Variants in ATP6V0D1 observed in about 807,000 individuals in gnomAD.
The protein encoded by ATP6V0D1 is V-type proton ATPase subunit d 1.
A neutral mutation model predicts 39.0 loss-of-function variants in ATP6V0D1; 13 were observed. The observed-to-expected ratio is 0.33, with a 90% CI of 0.22 to 0.53. ATP6V0D1 has a LOEUF of 0.53. Ranked by LOEUF, ATP6V0D1 falls within the 20% of genes least tolerant of loss-of-function variation. The pLI is 0.94. For missense variants in ATP6V0D1, 272 were observed against 470.9 expected (o/e 0.58, Z 3.91); for synonymous variants, 191 against 191.2 (o/e 1.00, Z 0.01).
intron 1 of ATP6V0D1, among the ~76,000 whole-genome samples, chr16:67,472,930 C>T (rs1415504991): frequency 1.3e-5 from 2 of 152,054 alleles, no homozygotes; most frequent in Non-Finnish European, 2.9e-5. Flanking sequence ...AAGACATTTC[C>T]TACACATTAA....
intron 1 of ATP6V0D1, among the ~76,000 whole-genome samples, chr16:67,480,146 C>T (rs898461432): frequency 1.5e-5 from 2 of 133,086 alleles, no homozygotes; most frequent in East Asian, 4.0e-4. Context: ...TTGCAGTGAG[C>T]CGAGATCCCG....
chr16:67,445,020 C>A (rs1020687922), intron 2 of ATP6V0D1, among the ~76,000 whole-genome samples: 1 of 152,122 alleles, frequency 6.6e-6, no homozygotes, highest in Non-Finnish European at 1.5e-5. Flanking sequence ...TAACAGGACA[C>A]AGGAATGGGG....
chr16:67,444,586 C>T lies in ATP6V0D1; in HGVS notation c.423G>A (p.Val141=). 1 of 1,613,460 alleles carries T rather than the reference C, an allele frequency of 6.2e-7. No homozygotes were observed. The highest frequency in any genetic ancestry group is 2.2e-5 in the East Asian group (1 of 44,864). The change falls in exon 3 of 8, where the codon GTG becomes GTA. Residue 141 remains valine (V), a synonymous_variant. Coordinates refer to ENST00000290949, the MANE Select transcript of ATP6V0D1 (RefSeq NM_004691.5). The surrounding 1 kb of genome is among the most constrained non-coding windows in gnomAD (Gnocchi z 4.8). ...PLGSFEQMEA[V]NIAQTPAELY... ...GCTCAGCAGGTGTCTGAGCAATGTTCACGGCCTCCATCTGCTCGAAGCTGC... is the reference window on the plus strand; with the variant it reads ...GCTCAGCAGGTGTCTGAGCAATGTTTACGGCCTCCATCTGCTCGAAGCTGC...
chr16:67,461,184 C>T (rs747929895), intron 1 of ATP6V0D1, among the ~76,000 whole-genome samples: 23 of 152,218 alleles, frequency 1.5e-4, no homozygotes, highest in Non-Finnish European at 2.8e-4. Context: ...GGTACCTGTT[C>T]CTCCTCTCCA....
intron 1 of ATP6V0D1, among the ~76,000 whole-genome samples, chr16:67,464,234 G>A (rs2041311757): frequency 6.6e-6 from 1 of 152,162 alleles, no homozygotes; most frequent in Admixed American, 6.5e-5. Context: ...GGTCCTTTTT[G>A]CATGACTACC....
intron 1 of ATP6V0D1, among the ~76,000 whole-genome samples, chr16:67,469,202 G>T (rs192088100): frequency 7.9e-5 from 12 of 152,318 alleles, no homozygotes; most frequent in Non-Finnish European, 1.6e-4. Flanking sequence ...CAGTTACTCA[G>T]AAAGCTGAGG....
chr16:67,475,395 T>C (rs1302632767), intron 1 of ATP6V0D1, among the ~76,000 whole-genome samples: 3 of 152,166 alleles, frequency 2.0e-5, no homozygotes. Flanking sequence ...CACAAAGAGA[T>C]GTAATGGACA....
intron 2 of ATP6V0D1, among the ~76,000 whole-genome samples, chr16:67,451,563 G>C (rs1284025825): frequency 1.3e-5 from 2 of 152,190 alleles, no homozygotes; most frequent in Non-Finnish European, 1.5e-5. Flanking sequence ...TGGCTGAAGT[G>C]CAGAGCAGAG....
intron 1 of ATP6V0D1, chr16:67,454,880 G>A (rs1282108967): frequency 2.6e-5 from 4 of 152,232 alleles, no homozygotes; most frequent in Non-Finnish European, 5.9e-5. Flanking sequence ...CCACCTCAGG[G>A]CCCTTCCCCG....
intron 1 of ATP6V0D1, among the ~76,000 whole-genome samples, chr16:67,467,740 A>G (rs935052748): frequency 6.6e-6 from 1 of 152,228 alleles, no homozygotes; most frequent in Non-Finnish European, 1.5e-5. Context: ...CCATAGGGGC[A>G]CTAGGGTCCT....
intron 1 of ATP6V0D1, among the ~76,000 whole-genome samples, chr16:67,471,631 C>T (rs1159034428): frequency 6.6e-6 from 1 of 151,984 alleles, no homozygotes; most frequent in Non-Finnish European, 1.5e-5. Flanking sequence ...ACAGATTAAT[C>T]ATCCCCTCCC....
chr16:67,444,794 G>A lies in ATP6V0D1; in HGVS notation c.303-88C>T, dbSNP rs1457060993. ...CACCATGCCCTCGCCCGCCTGCACAGGCCATCACCCCTTAACAATGTATGC... is the reference window on the plus strand; with the variant it reads ...CACCATGCCCTCGCCCGCCTGCACAAGCCATCACCCCTTAACAATGTATGC... On this transcript the variant is annotated intron_variant, in intron 2 of 7. Coordinates refer to ENST00000290949, the MANE Select transcript of ATP6V0D1 (RefSeq NM_004691.5). This position sits in a 1 kb window ranked among gnomAD's most constrained non-coding sequence, Gnocchi z 4.8. 1.8e-5 allele frequency: 22 copies of A among 1,255,430 alleles called. No individual in the cohort carries two copies. Among genetic ancestry groups the A allele is most frequent in the Non-Finnish European group, 2.4e-5 (22 of 919,968 alleles). 77.8% of individuals were successfully genotyped at this position (1,255,430 alleles called of 1,614,324 possible).
At chr16:67,460,178 G>C (rs1199016046) in intron 1 of ATP6V0D1, among the ~76,000 whole-genome samples, 1 of 152,204 alleles carries the variant, frequency 6.6e-6, no homozygotes, top group African/African-American at 2.4e-5. Flanking sequence ...ACTCCCCTGG[G>C]CCTGGCTGAG....
intron 1 of ATP6V0D1, among the ~76,000 whole-genome samples, chr16:67,461,683 T>G (rs1006155543): frequency 6.6e-6 from 1 of 152,190 alleles, no homozygotes; most frequent in Non-Finnish European, 1.5e-5. Context: ...ACATTTTGTT[T>G]CATGCTAGAG....
At chr16:67,472,528 C>T (rs1231822089) in intron 1 of ATP6V0D1, among the ~76,000 whole-genome samples, 2 of 152,098 alleles carry the variant, frequency 1.3e-5, no homozygotes, top group Non-Finnish European at 2.9e-5. Flanking sequence ...TCTAATTTCA[C>T]CAATTCAATA....
At position 67,447,847 on chromosome 16, in the gene ATP6V0D1, C is replaced by T. The variant is rs1394596353; in HGVS notation, c.303-3141G>A. Among the ~76,000 whole-genome samples the T allele has an allele frequency of 6.6e-6, 1 of 152,220 alleles. No homozygotes were observed. Among genetic ancestry groups the T allele is most frequent in the Non-Finnish European group, 1.5e-5 (1 of 68,030 alleles). Reference sequence around the variant, plus strand: ...GGCTGGTCTGGTGCTGGTGAGGCAGCCATGATGCCTGGGTAACCCTGCCAG... The same window carrying T: ...GGCTGGTCTGGTGCTGGTGAGGCAGTCATGATGCCTGGGTAACCCTGCCAG... On this transcript the variant is annotated intron_variant, in intron 2 of 7. Transcript: ENST00000290949. The surrounding 1 kb of genome is among the most constrained non-coding windows in gnomAD (Gnocchi z 4.1).
chr16:67,465,732 AG>A (rs2041323821), intron 1 of ATP6V0D1, among the ~76,000 whole-genome samples: 2 of 152,196 alleles, frequency 1.3e-5, no homozygotes, highest in Non-Finnish European at 2.9e-5. Context: ...TTCCCAACCC[AG>A]GAAGATAGGG....
intron 1 of ATP6V0D1, chr16:67,455,694 C>A (rs559044286): frequency 6.6e-6 from 1 of 152,374 alleles, no homozygotes; most frequent in African/African-American, 2.4e-5. Flanking sequence ...GAAATGTGCA[C>A]TCTCCTACAT....
In ATP6V0D1 at chr16:67,453,860, C is replaced by A; in HGVS notation, c.131-145G>T. On this transcript the variant is annotated intron_variant, in intron 1 of 7. Coordinates refer to ENST00000290949, the MANE Select transcript of ATP6V0D1 (RefSeq NM_004691.5). The surrounding 1 kb of genome is among the most constrained non-coding windows in gnomAD (Gnocchi z 4.1). ...CCTGATCTCCATCTCCCTGTTGGCT[C>A]AGGGCCTACCACAGGGCAATCAGCT... 1.3e-6 allele frequency: 1 copy of A among 748,648 alleles called. No homozygotes were observed. Among genetic ancestry groups the A allele is most frequent in the South Asian group, 1.8e-5 (1 of 55,320 alleles). 46.4% of individuals were successfully genotyped at this position (748,648 alleles called of 1,614,324 possible). A position where few individuals can be genotyped will look rare whatever the true frequency, so the allele number is the denominator to read the frequency against.
Sources: gnomAD v4.1 joint callset for allele counts (sites outside exome capture counted in the v4.1 genomes callset) on GRCh38, gnomAD v4.1.1 for gene constraint, Gnocchi (gnomAD v3.1) non-coding constraint, MANE v1.5 for transcripts, NCBI Gene and HGNC (gene_info 2026-07-23, HGNC 2026-07-21) for gene names.